The following ABHD17B variants were observed in gnomAD, a reference collection of about 807,000 sequenced individuals.
ABHD17B encodes the protein abhydrolase domain containing 17B, depalmitoylase.
In ABHD17B, 9 loss-of-function variants were observed where a neutral mutation model predicts 26.2. The ratio of observed to expected loss-of-function variants is 0.34; its 90% CI spans 0.21 to 0.60. The LOEUF (loss-of-function observed/expected upper bound fraction) is 0.60, where lower values mean the gene tolerates loss of function less well. Among genes scored for constraint, ABHD17B ranks in the 20% least tolerant of loss-of-function variants. ABHD17B has a pLI of 0.80. For synonymous variants in ABHD17B, 127 were observed against 122.3 expected (o/e 1.04, Z -0.25); for missense variants, 224 against 352.1 (o/e 0.64, Z 2.91).
chr9:71,898,320 G>A (rs1827020002), intron 1 of ABHD17B, among the ~76,000 whole-genome samples: 1 of 151,962 alleles, frequency 6.6e-6, no homozygotes, highest in South Asian at 2.1e-4. Context: ...AGCATAGGGT[G>A]CATGGTGGAA....
At chr9:71,899,896 A>C (rs770277742) in intron 1 of ABHD17B, among the ~76,000 whole-genome samples, 8 of 152,338 alleles carry the variant, frequency 5.3e-5, no homozygotes, top group Admixed American at 2.0e-4. Context: ...TCCATTAAAA[A>C]TACTGAGAAT....
chr9:71,898,280 A>G (rs1329826545), intron 1 of ABHD17B, among the ~76,000 whole-genome samples: 2 of 152,030 alleles, frequency 1.3e-5, no homozygotes, highest in African/African-American at 2.4e-5. Flanking sequence ...CCAGGCTAGG[A>G]GGATAATGTG....
At chr9:71,901,523 T>G (rs1020837234) in intron 1 of ABHD17B, among the ~76,000 whole-genome samples, 1 of 152,220 alleles carries the variant, frequency 6.6e-6, no homozygotes, top group Admixed American at 6.5e-5. Flanking sequence ...ACCTATTTAT[T>G]TATTTTTATA....
chr9:71,889,174 A>T (rs1853091709), intron 1 of ABHD17B, among the ~76,000 whole-genome samples: 2 of 151,940 alleles, frequency 1.3e-5, no homozygotes, highest in South Asian at 4.2e-4. Flanking sequence ...AAAATTAGCC[A>T]GGCGTGGTGG....
intron 1 of ABHD17B, among the ~76,000 whole-genome samples, chr9:71,893,179 C>G (rs763382751): frequency 2.6e-5 from 4 of 152,188 alleles, no homozygotes; most frequent in Admixed American, 6.5e-5. Context: ...ACTTCTGTGA[C>G]CAGATGTATG....
At chr9:71,902,094 T>TA (rs1466671852) in intron 1 of ABHD17B, among the ~76,000 whole-genome samples, 9 of 152,158 alleles carry the variant, frequency 5.9e-5, no homozygotes, top group Admixed American at 5.9e-4. Flanking sequence ...TTTTTGTTGA[T>TA]AAAATCTCCC....
intron 2 of ABHD17B, among the ~76,000 whole-genome samples, chr9:71,872,449 C>G (rs1213300133): frequency 6.6e-6 from 1 of 152,040 alleles, no homozygotes; most frequent in East Asian, 1.9e-4. Context: ...GTAAAGTTGA[C>G]CACTTAAAAA....
intron 1 of ABHD17B, among the ~76,000 whole-genome samples, chr9:71,906,910 A>C (rs1827302733): frequency 6.6e-6 from 1 of 152,174 alleles, no homozygotes; most frequent in African/African-American, 2.4e-5. Flanking sequence ...TTGCTGGTCG[A>C]CCATTACACT....
intron 1 of ABHD17B, among the ~76,000 whole-genome samples, chr9:71,898,124 A>C (rs1442423013): frequency 3.9e-5 from 6 of 152,202 alleles, no homozygotes; most frequent in Non-Finnish European, 5.9e-5. Flanking sequence ...CTTTTCATCC[A>C]ATAAAAAATT....
rs116404255 is a variant in ABHD17B at position 71,865,183 on chromosome 9, T to C, written c.*1604A>G. ...GTATATTTGTTGTTTTACTGTTAAT[T>C]TGACACATCTGAACCAAAGCATTCA... On this transcript the variant is annotated 3_prime_UTR_variant, in exon 4 of 4. Coordinates refer to ENST00000333421, the MANE Select transcript of ABHD17B (RefSeq NM_001025780.3). 592 of 985,544 alleles carry C rather than the reference T, an allele frequency of 6.0e-4. 2 individuals carry two copies. The African/African-American group carries it at 9.0e-3, about 15-fold the overall frequency. The allele number at this position is 985,544 out of a possible 1,614,324, so 61.0% of individuals were successfully genotyped here.
chr9:71,871,057 C>T (rs1437101796), intron 2 of ABHD17B, among the ~76,000 whole-genome samples: 1 of 152,164 alleles, frequency 6.6e-6, no homozygotes, highest in Non-Finnish European at 1.5e-5. Context: ...CAAATGTAAA[C>T]TACTGCAAGT....
chr9:71,893,549 A>C (rs890602012), intron 1 of ABHD17B, among the ~76,000 whole-genome samples: 1 of 152,242 alleles, frequency 6.6e-6, no homozygotes, highest in African/African-American at 2.4e-5. Flanking sequence ...CCATGTGCTC[A>C]GCCATCTGGA....
intron 3 of ABHD17B, among the ~76,000 whole-genome samples, chr9:71,869,324 T>C (rs1429747753): frequency 2.0e-5 from 3 of 152,226 alleles, no homozygotes; most frequent in Non-Finnish European, 1.5e-5. Flanking sequence ...TGTGATGACT[T>C]TGCCTTTGGC....
In ABHD17B at chr9:71,910,993, AGCC is replaced by A; in HGVS notation, c.-366_-364del. On this transcript the variant is annotated 5_prime_UTR_variant, in exon 1 of 4. Transcript: ENST00000333421. ...TCACGTCCCGCGCGGCCGTGGTCGC[AGCC>A]GCCGCCGCCACCGCCTCCCTTTCTG... 2.6e-5 allele frequency: 4 copies of A among 154,366 alleles called. No individual in the cohort carries two copies. Among genetic ancestry groups the A allele is most frequent in the Non-Finnish European group, 4.3e-5 (3 of 69,208 alleles). 9.6% of individuals were successfully genotyped at this position (154,366 alleles called of 1,614,324 possible).
rs191983406 is a variant in ABHD17B at position 71,871,297 on chromosome 9, T to C, written c.468-1035A>G. On this transcript the variant is annotated intron_variant, in intron 2 of 3. Coordinates refer to ENST00000333421, the MANE Select transcript of ABHD17B (RefSeq NM_001025780.3). ...GTTCTCTTCCAGGGGCATAATACTA[T>C]TTCAACTATACAGGTAGTAACACAG... 1.6e-4 allele frequency among the ~76,000 whole-genome samples: 25 copies of C among 152,340 alleles called. No homozygotes were observed. In the East Asian group the frequency reaches 4.4e-3, roughly 27 times the overall value.
At chr9:71,864,645 G>A (rs1331357520), downstream of ABHD17B, among the ~76,000 whole-genome samples, 1 of 152,078 alleles carries the variant, frequency 6.6e-6, no homozygotes. Context: ...TCAAAACTTA[G>A]CTGAAATACC....
chr9:71,881,310 C>T (rs1826434561), intron 1 of ABHD17B, among the ~76,000 whole-genome samples: 1 of 152,138 alleles, frequency 6.6e-6, no homozygotes, highest in African/African-American at 2.4e-5. Context: ...AAATTTTACT[C>T]TTACTTCACA....
At position 71,871,662 on chromosome 9, in the gene ABHD17B, A is replaced by G. The variant is rs576829196; in HGVS notation, c.468-1400T>C. Among the ~76,000 whole-genome samples the G allele has an allele frequency of 4.0e-4, 61 of 152,344 alleles. No individual in the cohort carries two copies. The Middle Eastern group carries it at 0.01, about 25-fold the overall frequency. On this transcript the variant is annotated intron_variant, in intron 2 of 3. Coordinates refer to ENST00000333421, the MANE Select transcript of ABHD17B (RefSeq NM_001025780.3). ...ACAATTAAGCATGAGGGGACTCACA[A>G]GAGTAACAACTGCCTAACAGTATGA...
intron 1 of ABHD17B, among the ~76,000 whole-genome samples, chr9:71,906,188 A>G (rs1265896634): frequency 6.6e-6 from 1 of 152,270 alleles, no homozygotes; most frequent in East Asian, 1.9e-4. Context: ...AATTCTAAAC[A>G]GGATTTAATA....
Sources: gnomAD v4.1 joint callset for allele counts (sites outside exome capture counted in the v4.1 genomes callset) on GRCh38, gnomAD v4.1.1 for gene constraint, MANE v1.5 for transcripts, NCBI Gene and HGNC (gene_info 2026-07-23, HGNC 2026-07-21) for gene names.